PSMD1: variants seen among roughly 807,000 people sequenced by gnomAD.
PSMD1 encodes 26S proteasome non-ATPase regulatory subunit 1.
PSMD1 carries 18 observed loss-of-function variants against 119.0 expected under a neutral mutation model. The observed-to-expected ratio is 0.15, with a 90% CI of 0.10 to 0.22. The LOEUF (loss-of-function observed/expected upper bound fraction) is 0.22. PSMD1 is among the 10% of genes least tolerant of loss of function. The pLI, the probability that PSMD1 is intolerant of heterozygous loss-of-function variation, is 1.00. For synonymous variants in PSMD1, 374 were observed against 396.6 expected (o/e 0.94, Z 0.68); for missense variants, 702 against 1,158.5 (o/e 0.61, Z 5.72).
intron 20 of PSMD1, 142 bp downstream of exon 20, chr2:231,161,651 G>T (rs1333069548): frequency 1.0e-6 from 1 of 970,808 alleles, no homozygotes; most frequent in African/African-American, 1.6e-5. Flanking sequence ...AAGTTGAATC[G>T]TCACCTTTTT....
At chr2:231,154,165 C>T (rs541590162) in intron 19 of PSMD1, among the ~76,000 whole-genome samples, 8 of 144,772 alleles carry the variant, frequency 5.5e-5, no homozygotes, top group Admixed American at 3.4e-4. Flanking sequence ...GGCACAGTGG[C>T]TCATGTCTGT....
chr2:231,061,147 C>A, intron 1 of PSMD1, 120 bp from the exon 2 acceptor site: 1 of 634,300 alleles, frequency 1.6e-6, no homozygotes. Context: ...TAATCATTCC[C>A]CTGGAGAAGT....
intron 7 of PSMD1, among the ~76,000 whole-genome samples, chr2:231,073,802 T>C (rs1694096019): frequency 6.6e-6 from 1 of 152,068 alleles, no homozygotes. Context: ...TTTTTGTTGG[T>C]AGTATATAGA....
intron 16 of PSMD1, among the ~76,000 whole-genome samples, chr2:231,121,211 A>T (rs1695529395): frequency 6.6e-6 from 1 of 152,144 alleles, no homozygotes. Context: ...GGGCTATAAA[A>T]TATTTTATTT....
chr2:231,098,703 A>G (rs1250245110), intron 16 of PSMD1, among the ~76,000 whole-genome samples: 1 of 152,128 alleles, frequency 6.6e-6, no homozygotes, highest in African/African-American at 2.4e-5. Context: ...TGAAAAGAGG[A>G]TGCCCAAGAT....
At chr2:231,107,324 G>A (rs1392156940) in intron 16 of PSMD1, among the ~76,000 whole-genome samples, 1 of 152,158 alleles carries the variant, frequency 6.6e-6, no homozygotes, top group Non-Finnish European at 1.5e-5. Context: ...AAACTGAGTT[G>A]CCTGCAGAAG....
chr2:231,122,975 GT>G (rs1454242977), intron 16 of PSMD1, among the ~76,000 whole-genome samples: 1 of 152,128 alleles, frequency 6.6e-6, no homozygotes, highest in East Asian at 1.9e-4. Context: ...CTGGGGTTTA[GT>G]GATTTAAATT....
chr2:231,127,288 A>C (rs1400762463), intron 16 of PSMD1, among the ~76,000 whole-genome samples: 1 of 150,984 alleles, frequency 6.6e-6, no homozygotes, highest in African/African-American at 2.4e-5. Context: ...AAAAAAAAAA[A>C]CAAGAATTTA....
intron 1 of PSMD1, among the ~76,000 whole-genome samples, chr2:231,058,811 CTT>C (rs1693680984): frequency 1.3e-5 from 2 of 152,124 alleles, no homozygotes; most frequent in African/African-American, 4.8e-5. Context: ...CTAGTCTTCT[CTT>C]CCTCAGATTT....
chr2:231,058,845 T>C (rs12694886), intron 1 of PSMD1, among the ~76,000 whole-genome samples: 74,901 of 151,888 alleles, frequency 0.49, 21,922 homozygotes, highest in African/African-American at 0.81. Context: ...CTCAATCTTT[T>C]GTCTCAACTC....
At chr2:231,083,022 G>T in intron 13 of PSMD1, 28 bp downstream of exon 13, 1 of 1,493,856 alleles carries the variant, frequency 6.7e-7, no homozygotes, top group Non-Finnish European at 9.3e-7. Context: ...AAGCTAACAA[G>T]CTTAAGTATT....
intron 16 of PSMD1, among the ~76,000 whole-genome samples, chr2:231,091,080 A>AG (rs1248580072): frequency 2.0e-5 from 3 of 152,182 alleles, no homozygotes; most frequent in African/African-American, 7.2e-5. Flanking sequence ...GGAGTGGGCT[A>AG]GGGGGCTGCT....
At chr2:231,146,449 T>C in intron 18 of PSMD1, 93 bp downstream of exon 18, 1 of 861,194 alleles carries the variant, frequency 1.2e-6, no homozygotes, top group Non-Finnish European at 1.9e-6. Flanking sequence ...AGTTCAAATA[T>C]GGTAAACACT....
chr2:231,151,629 GTACATTCAGTGCTT>G (rs1696377763), intron 18 of PSMD1, among the ~76,000 whole-genome samples: 1 of 151,382 alleles, frequency 6.6e-6, no homozygotes, highest in South Asian at 2.1e-4. Context: ...TCCCTATAAT[GTACATTCAGTGCTT>G]TGTTCTATGT....
chr2:231,138,669 A>C, intron 16 of PSMD1, 67 bp from the exon 17 acceptor site: 1 of 1,225,046 alleles, frequency 8.2e-7, no homozygotes, highest in Non-Finnish European at 1.2e-6. Flanking sequence ...AACTTGGTTA[A>C]AACTCTTCTG....
rs1559223591 is a variant in PSMD1, at chr2:231,083,605, G to A, written c.1564G>A (p.Gly522Ser). The change falls in exon 14 of 25, where the codon GGC (glycine) becomes AGC (serine). Residue 522 changes from glycine (G) to serine (S), a missense_variant. Gly to Ser is a moderately conservative substitution (Grantham distance 56, BLOSUM62 0). Transcript: ENST00000308696. ...AGLALGLVML[G>S]SKNAQAIEDM... is the part of the protein sequence containing the mutation. ...CCTGGCCCTAGGTTTGGTTATGTTG[G>A]GCTCTAAAAATGCTCAGGCTATTGA... 1 of 1,614,140 alleles carries A rather than the reference G, an allele frequency of 6.2e-7. No homozygotes were observed. The highest frequency in any genetic ancestry group is 2.2e-5 in the East Asian group (1 of 44,880).
intron 16 of PSMD1, among the ~76,000 whole-genome samples, chr2:231,090,377 G>A (rs1008623083): frequency 5.3e-5 from 8 of 152,130 alleles, no homozygotes; most frequent in Non-Finnish European, 7.4e-5. Context: ...CCCTGTCTGC[G>A]GTGAAACCTT....
intron 16 of PSMD1, among the ~76,000 whole-genome samples, chr2:231,097,413 C>T (rs1694752751): frequency 6.6e-6 from 1 of 152,180 alleles, no homozygotes; most frequent in Admixed American, 6.5e-5. Context: ...TGTTATACTT[C>T]CATTAGGAAC....
Position 231,057,015 on chromosome 2 carries a change from G to C in PSMD1, c.-11G>C. ...GGCGAGCGAGCCGACGGGCGAGTGA[G>C]GGGCGCAGCCATGATCACCTCGGCC... On this transcript the variant is annotated 5_prime_UTR_variant, in exon 1 of 25. Transcript: ENST00000308696. The C allele has an allele frequency of 1.3e-6, 2 of 1,539,674 alleles. No homozygotes were observed. The highest frequency in any genetic ancestry group is 2.0e-5 in the Admixed American group (1 of 50,692).
Sources: allele counts gnomAD v4.1 joint callset (sites outside exome capture counted in the v4.1 genomes callset), GRCh38; gene constraint gnomAD v4.1.1; transcripts MANE v1.5; gene names NCBI Gene and HGNC (gene_info 2026-07-23, HGNC 2026-07-21).